The following SLIT2 variants were observed in gnomAD, a reference collection of about 807,000 sequenced individuals.
SLIT2 encodes slit guidance ligand 2.
SLIT2 carries 41 observed loss-of-function variants against 185.7 expected under a neutral mutation model. The observed-to-expected ratio is 0.22, with a 90% CI of 0.17 to 0.29. The LOEUF (loss-of-function observed/expected upper bound fraction) is 0.29, where lower values mean the gene tolerates loss of function less well. Ranked by LOEUF, SLIT2 falls within the 10% of genes least tolerant of loss-of-function variation. The pLI is 1.00. For missense variants in SLIT2, 1,571 were observed against 1,909.0 expected (o/e 0.82, Z 3.30); for synonymous variants, 693 against 680.2 (o/e 1.02, Z -0.29).
intron 4 of SLIT2, among the ~76,000 whole-genome samples, chr4:20,459,818 C>G (rs1196260327): frequency 6.6e-6 from 1 of 151,708 alleles, no homozygotes; most frequent in Non-Finnish European, 1.5e-5. Flanking sequence ...TTCTACTTAA[C>G]AGGAGTGTCC....
intron 4 of SLIT2, among the ~76,000 whole-genome samples, chr4:20,374,166 G>A (rs947440874): frequency 3.9e-5 from 6 of 152,084 alleles, no homozygotes; most frequent in African/African-American, 1.4e-4. Context: ...AAGGTACAGG[G>A]AAAATTATAT....
intron 4 of SLIT2, among the ~76,000 whole-genome samples, chr4:20,434,313 C>T (rs1194942535): frequency 6.6e-6 from 1 of 151,952 alleles, no homozygotes; most frequent in Non-Finnish European, 1.5e-5. Context: ...CATGGAGAAC[C>T]CTATCTCTAC....
chr4:20,485,504 G>A (rs985093462), intron 6 of SLIT2, among the ~76,000 whole-genome samples: 1 of 152,058 alleles, frequency 6.6e-6, no homozygotes, highest in Non-Finnish European at 1.5e-5. Flanking sequence ...CATATTCCTG[G>A]ATCTGCTACC....
Position 20,252,702 on chromosome 4 carries a change from G to T in SLIT2, c.-1114G>T, listed in dbSNP as rs747048478. On this transcript the variant is annotated 5_prime_UTR_variant, in exon 1 of 37. Transcript: ENST00000504154. ...GGAGACGAGCGGGGTTGACACGCGC[G>T]CACACACTACTGCCATTCAGCTGCC... 6.6e-6 allele frequency among the ~76,000 whole-genome samples: 1 copy of T among 152,166 alleles called. No homozygotes were observed. The highest frequency in any genetic ancestry group is 1.5e-5 in the Non-Finnish European group (1 of 68,036).
rs182633016 is a variant in SLIT2 at position 20,473,246 on chromosome 4, T to A, written c.467+5423T>A. On this transcript the variant is annotated intron_variant, in intron 5 of 36. Coordinates refer to ENST00000504154, the MANE Select transcript of SLIT2 (RefSeq NM_004787.4). ...TGCATTATCTCAATTCCATTAACCC[T>A]ATGTCTGTCATGAGTCTTATAATCC... Among the ~76,000 whole-genome samples, 4 of 144,498 alleles carry A rather than the reference T, an allele frequency of 2.8e-5. No homozygotes were observed. The East Asian group carries it at 6.3e-4, about 23-fold the overall frequency. The allele number at this position is 144,498 out of a possible 152,430, so 94.8% of individuals were successfully genotyped here.
intron 4 of SLIT2, among the ~76,000 whole-genome samples, chr4:20,303,457 C>CT (rs755108032): frequency 5.1e-4 from 76 of 147,704 alleles, no homozygotes; most frequent in South Asian, 4.1e-3. Context: ...ATTACAGTTA[C>CT]TTTTTTTTTT....
chr4:20,517,906 G>A (rs1431529053), intron 11 of SLIT2, among the ~76,000 whole-genome samples: 2 of 151,724 alleles, frequency 1.3e-5, no homozygotes, highest in East Asian at 3.9e-4. Flanking sequence ...TGTTATGGCA[G>A]CCATTTGTTT....
At chr4:20,283,353 C>T (rs1023629329) in intron 4 of SLIT2, among the ~76,000 whole-genome samples, 5 of 152,046 alleles carry the variant, frequency 3.3e-5, no homozygotes, top group African/African-American at 1.2e-4. Flanking sequence ...GTGTTGGAGC[C>T]AAAAGCTTTT....
At chr4:20,560,590 T>C (rs537788662) in intron 26 of SLIT2, among the ~76,000 whole-genome samples, 1 of 152,122 alleles carries the variant, frequency 6.6e-6, no homozygotes, top group African/African-American at 2.4e-5. Flanking sequence ...CCTCTCCAGA[T>C]AGTCATTGAG....
rs1235347195 is a variant in SLIT2, at chr4:20,617,080, G to T, written c.4018G>T (p.Val1340Leu). ...LPGCEPCHKKVCAHGTCQPSS... is the reference protein window; with the variant it reads ...LPGCEPCHKKLCAHGTCQPSS... ...TGGCTGTGAGCCATGCCACAAGAAG[G>T]TGTGTGCCCATGGCACATGCCAGCC... The change falls in exon 35 of 37, where the codon GTG becomes TTG. Residue 1340 changes from valine to leucine, a missense_variant. Val to Leu is a conservative substitution (Grantham distance 32, BLOSUM62 1). Around this residue, in one of 3 missense-constraint regions of SLIT2, gnomAD observed 223 missense variants for 245.2 expected, o/e 0.91. Transcript: ENST00000504154. 1.2e-6 allele frequency: 2 copies of T among 1,614,154 alleles called. No homozygotes were observed. The highest frequency in any genetic ancestry group is 2.2e-5 in the South Asian group (2 of 91,092).
intron 4 of SLIT2, among the ~76,000 whole-genome samples, chr4:20,367,078 C>T (rs1468530797): frequency 6.6e-6 from 1 of 152,118 alleles, no homozygotes; most frequent in Non-Finnish European, 1.5e-5. Flanking sequence ...AGATTACAGG[C>T]ATGAACCACT....
At chr4:20,449,804 T>C (rs1017288903) in intron 4 of SLIT2, among the ~76,000 whole-genome samples, 8 of 152,158 alleles carry the variant, frequency 5.3e-5, no homozygotes, top group South Asian at 2.1e-4. Flanking sequence ...TAACTGATAA[T>C]TAGAAACTTT....
chr4:20,289,020 A>G (rs1188810038), intron 4 of SLIT2, among the ~76,000 whole-genome samples: 4 of 151,954 alleles, frequency 2.6e-5, no homozygotes, highest in African/African-American at 9.7e-5. Flanking sequence ...ACTAGTTGAG[A>G]TACGTCTCTA....
intron 5 of SLIT2, among the ~76,000 whole-genome samples, chr4:20,472,290 A>C (rs1489609280): frequency 3.8e-4 from 11 of 29,012 alleles, no homozygotes; most frequent in Admixed American, 2.0e-3. Flanking sequence ...ATATATAGAT[A>C]TATAGATATA....
In SLIT2 at chr4:20,310,428, A is replaced by G. The variant is rs143622849; in HGVS notation, c.395+41547A>G. Reference sequence around the variant, plus strand: ...TTTCTTTGCAGTTCATAGCACCATCATAACCCGAGTTTCCTAGGGCACCAA... The same window carrying G: ...TTTCTTTGCAGTTCATAGCACCATCGTAACCCGAGTTTCCTAGGGCACCAA... On this transcript the variant is annotated intron_variant, in intron 4 of 36. Coordinates refer to ENST00000504154, the MANE Select transcript of SLIT2 (RefSeq NM_004787.4). Among the ~76,000 whole-genome samples, 765 of 152,256 alleles carry G rather than the reference A, an allele frequency of 5.0e-3. 14 individuals are homozygous for G. Among genetic ancestry groups the G allele is most frequent in the African/African-American group, 0.018 (748 of 41,568 alleles).
chr4:20,346,653 A>G (rs1026206697), intron 4 of SLIT2, among the ~76,000 whole-genome samples: 5 of 152,212 alleles, frequency 3.3e-5, no homozygotes, highest in African/African-American at 9.6e-5. Context: ...TCGAGAAGCA[A>G]GGAAGCCAGT....
chr4:20,342,795 C>T (rs1186393429), intron 4 of SLIT2, among the ~76,000 whole-genome samples: 1 of 124,822 alleles, frequency 8.0e-6, no homozygotes, highest in Non-Finnish European at 1.6e-5. Flanking sequence ...CAGGCATAAG[C>T]AACAGCAGGG....
intron 16 of SLIT2, among the ~76,000 whole-genome samples, chr4:20,529,751 T>C (rs1721617705): frequency 6.6e-6 from 1 of 152,212 alleles, no homozygotes; most frequent in Non-Finnish European, 1.5e-5. Context: ...TTTACTGACT[T>C]TATTTATAAG....
At chr4:20,281,230 A>G (rs1714739018) in intron 4 of SLIT2, among the ~76,000 whole-genome samples, 1 of 152,226 alleles carries the variant, frequency 6.6e-6, no homozygotes, top group South Asian at 2.1e-4. Context: ...GTGGTGTACA[A>G]CTGAGGTAGT....
Sources: gnomAD v4.1 joint callset for allele counts (sites outside exome capture counted in the v4.1 genomes callset) on GRCh38, gnomAD v4.1.1 for gene constraint, gnomAD v4.1.1 regional missense constraint, MANE v1.5 for transcripts, NCBI Gene and HGNC (gene_info 2026-07-23, HGNC 2026-07-21) for gene names.